SPDYE18: variants seen among roughly 807,000 people sequenced by gnomAD.
The protein encoded by SPDYE18 is speedy/RINGO cell cycle regulator family member E18, also known as speedy protein E18.
A neutral mutation model predicts 44.9 loss-of-function variants in SPDYE18; 6 were observed. That is an observed-to-expected ratio of 0.13 (90% CI 0.07 to 0.26). The LOEUF (loss-of-function observed/expected upper bound fraction) is 0.26. Ranked by LOEUF, SPDYE18 falls within the 10% of genes least tolerant of loss-of-function variation. The probability of loss-of-function intolerance (pLI) is 1.00; values close to 1 mark genes in which losing one functional copy is unlikely to be tolerated. For missense variants in SPDYE18, 121 were observed against 463.2 expected, an observed-to-expected ratio of 0.26 and a Z score of 6.78; for synonymous variants, 35 against 177.1, an observed-to-expected ratio of 0.20 and a Z score of 6.37.
Position 77,050,849 on chromosome 7 carries a change from C to A in SPDYE18, c.*1076G>T, listed in dbSNP as rs1360239376. On this transcript the variant is annotated 3_prime_UTR_variant, in exon 9 of 9. Transcript: ENST00000510091. ...TAGAAACAGCATCTATTCAAAAATA[C>A]CAGTATTTCCAAAATATTTAAAATA... is the stretch of plus-strand genomic sequence containing the variant. Among the ~76,000 whole-genome samples, 1 of 150,464 alleles carries A rather than the reference C, an allele frequency of 6.6e-6. No homozygotes were observed. Among genetic ancestry groups the A allele is most frequent in the Non-Finnish European group, 1.5e-5 (1 of 67,666 alleles).
At chr7:77,062,246 G>A (rs2117329584) in intron 1 of SPDYE18, among the ~76,000 whole-genome samples, 2 of 145,514 alleles carry the variant, frequency 1.4e-5, no homozygotes, top group South Asian at 4.8e-4. Flanking sequence ...TCCCATTGCT[G>A]TGGAAGTCCC....
At chr7:77,053,452 C>G in intron 6 of SPDYE18, among the ~76,000 whole-genome samples, 1 of 152,400 alleles carries the variant, frequency 6.6e-6, no homozygotes, top group African/African-American at 2.4e-5. Context: ...CCTGGAATCC[C>G]AGCACACTGG....
At chr7:77,056,948 T>TG (rs1789932260) in intron 4 of SPDYE18, among the ~76,000 whole-genome samples, 1 of 152,018 alleles carries the variant, frequency 6.6e-6, no homozygotes, top group Non-Finnish European at 1.5e-5. Flanking sequence ...CATCAGGGTG[T>TG]GACCATGGCC....
At position 77,060,306 on chromosome 7, in the gene SPDYE18, C is replaced by A. The variant is rs922505039; in HGVS notation, c.160+47G>T. On this transcript the variant is annotated intron_variant, in intron 2 of 8. Coordinates refer to ENST00000510091, the MANE Select transcript of SPDYE18 (RefSeq NM_001394953.1). ...GCCACCGCACCCGGCCCCCTTCCTT[C>A]GTCTTAGTCAACCCTATCCCACCTC... 6 of 1,534,042 alleles carry A rather than the reference C, an allele frequency of 3.9e-6. No homozygotes were observed. The Admixed American group carries it at 1.2e-4, about 30-fold the overall frequency.
intron 6 of SPDYE18, among the ~76,000 whole-genome samples, 177 bp from the exon 7 acceptor site, chr7:77,053,380 G>A (rs1442217698): frequency 5.3e-5 from 8 of 152,208 alleles, no homozygotes; most frequent in South Asian, 2.1e-4. Flanking sequence ...GATCAAGGGC[G>A]TCTCCCACTC....
intron 3 of SPDYE18, among the ~76,000 whole-genome samples, chr7:77,058,501 C>CTTTTT (rs1158671945): frequency 2.0e-4 from 11 of 56,096 alleles, no homozygotes; most frequent in South Asian, 7.5e-4. Context: ...TTCCTTCCTT[C>CTTTTT]TTTTTTTTTT....
At chr7:77,061,152 C>T (rs1319492173) in intron 1 of SPDYE18, among the ~76,000 whole-genome samples, 3 of 115,808 alleles carry the variant, frequency 2.6e-5, no homozygotes, top group African/African-American at 3.5e-5. Flanking sequence ...GCTTTTCTGC[C>T]GAATGTTTAC....
At chr7:77,053,518 C>T (rs1169816945) in intron 6 of SPDYE18, among the ~76,000 whole-genome samples, 1 of 152,390 alleles carries the variant, frequency 6.6e-6, no homozygotes, top group East Asian at 1.9e-4. Context: ...GCCTGGGCAA[C>T]ATAGCAAGAC....
rs1223650210 is a variant in SPDYE18 at position 77,051,070 on chromosome 7, C to T, written c.*855G>A. 1.3e-5 allele frequency among the ~76,000 whole-genome samples: 2 copies of T among 151,934 alleles called. No homozygotes were observed. The highest frequency in any genetic ancestry group is 3.9e-4 in the East Asian group (2 of 5,178). On this transcript the variant is annotated 3_prime_UTR_variant, in exon 9 of 9. Coordinates refer to ENST00000510091, the MANE Select transcript of SPDYE18 (RefSeq NM_001394953.1). ...CAACTGAATTCTCACAATTCAGTCACAAACCTAAACAGCAAATAAAAATTT... is the reference window on the plus strand; with the variant it reads ...CAACTGAATTCTCACAATTCAGTCATAAACCTAAACAGCAAATAAAAATTT...
chr7:77,058,116 C>CTTTTTTTTTTTTTT (rs375559743), intron 3 of SPDYE18, among the ~76,000 whole-genome samples: 6 of 62,220 alleles, frequency 9.6e-5, no homozygotes, highest in Non-Finnish European at 1.3e-4. Context: ...CTCTGAGTCT[C>CTTTTTTTTTTTTTT]TTTTTTTTTT....
chr7:77,060,436 G>T lies in SPDYE18; in HGVS notation c.77C>A (p.Pro26His), dbSNP rs1790003056. The change falls in exon 2 of 9, where the codon CCC (proline) becomes CAC (histidine). Residue 26 changes from proline (P) to histidine (H), a missense_variant. Transcript: ENST00000510091. ...GKITTSRQPHPQNEQSLQRST... is the reference protein window; with the variant it reads ...GKITTSRQPHHQNEQSLQRST... Reference sequence around the variant, plus strand: ...CCGCTGGAGACTCTGCTCATTCTGGGGGTGCGGTTGACGGCTGGTCGTGAT... The same window carrying T: ...CCGCTGGAGACTCTGCTCATTCTGGTGGTGCGGTTGACGGCTGGTCGTGAT... 2 of 1,535,490 alleles carry T rather than the reference G, an allele frequency of 1.3e-6. No homozygotes were observed. The highest frequency in any genetic ancestry group is 1.2e-5 in the South Asian group (1 of 83,968).
At chr7:77,058,111 A>C (rs1789957174) in intron 3 of SPDYE18, among the ~76,000 whole-genome samples, 1 of 84,070 alleles carries the variant, frequency 1.2e-5, no homozygotes. Flanking sequence ...TGGCTCTCTG[A>C]GTCTCTTTTT....
intron 3 of SPDYE18, among the ~76,000 whole-genome samples, chr7:77,058,531 G>T (rs1354740247): frequency 0.11 from 10,546 of 96,980 alleles, no homozygotes; most frequent in Middle Eastern, 0.22. Context: ...TTTTGAGACA[G>T]CGTCTCACTC....
chr7:77,058,835 C>A (rs1200315229), intron 3 of SPDYE18, among the ~76,000 whole-genome samples: 1 of 151,976 alleles, frequency 6.6e-6, no homozygotes, highest in African/African-American at 2.4e-5. Context: ...CTCTGTCACC[C>A]AGGCTGGAGT....
In SPDYE18 at chr7:77,060,396, G is replaced by A; in HGVS notation, c.117C>T (p.Tyr39=). 1 of 1,535,494 alleles carries A rather than the reference G, an allele frequency of 6.5e-7. No individual in the cohort carries two copies. The highest frequency in any genetic ancestry group is 1.2e-5 in the South Asian group (1 of 83,960). ...EQSLQRSTSG[Y]PLQEVVDDEV... is the part of the protein sequence containing the mutation. Reference sequence around the variant, plus strand: ...CATCATCCACCACCTCCTGGAGGGGGTACCCCGAGGTGCTCCGCTGGAGAC... The same window carrying A: ...CATCATCCACCACCTCCTGGAGGGGATACCCCGAGGTGCTCCGCTGGAGAC... The change falls in exon 2 of 9, where the codon TAC becomes TAT. Residue 39 remains tyrosine, a synonymous_variant. Coordinates refer to ENST00000510091, the MANE Select transcript of SPDYE18 (RefSeq NM_001394953.1).
chr7:77,062,040 A>T (rs1415107783), intron 1 of SPDYE18, among the ~76,000 whole-genome samples: 2 of 131,634 alleles, frequency 1.5e-5, no homozygotes, highest in African/African-American at 5.5e-5. Flanking sequence ...GCGCTGGAGA[A>T]TCACTTGAAC....
chr7:77,058,504 T>C (rs1217890228), intron 3 of SPDYE18, among the ~76,000 whole-genome samples: 6 of 112,896 alleles, frequency 5.3e-5, no homozygotes, highest in Non-Finnish European at 7.5e-5. Flanking sequence ...CTTCCTTCTT[T>C]TTTTTTTTTT....
intron 1 of SPDYE18, among the ~76,000 whole-genome samples, 101 bp from the exon 2 acceptor site, chr7:77,061,034 C>CAAGAGTGAGATTATCAT (rs1790014068): frequency 5.2e-4 from 39 of 75,710 alleles, no homozygotes; most frequent in East Asian, 4.2e-3. Flanking sequence ...GAGATTATCA[C>CAAGAGTGAGATTATCAT]GTACAAGAGT....
rs1326609613 is a variant in SPDYE18 at position 77,053,064 on chromosome 7, C to T, written c.895G>A (p.Ala299Thr). Reference sequence around the variant, plus strand: ...GCTATCTGAGAGCGGTTCTTCCTGGCCCTCGGGTTCAAGCAACGGCATAAC... The same window carrying T: ...GCTATCTGAGAGCGGTTCTTCCTGGTCCTCGGGTTCAAGCAACGGCATAAC... ...FQLCRCLNPR[A>T]RKNRSQIALF... Residue 299 changes from alanine to threonine, a missense_variant, in exon 7 of 9, where the codon GCC (alanine) becomes ACC (threonine). Ala to Thr is a moderately conservative substitution (Grantham distance 58). Coordinates refer to ENST00000510091, the MANE Select transcript of SPDYE18 (RefSeq NM_001394953.1). 6.2e-7 allele frequency: 1 copy of T among 1,614,094 alleles called. No individual in the cohort carries two copies. Among genetic ancestry groups the T allele is most frequent in the African/African-American group, 1.3e-5 (1 of 74,952 alleles).
Sources: gnomAD v4.1 joint callset for allele counts (sites outside exome capture counted in the v4.1 genomes callset) on GRCh38, gnomAD v4.1.1 for gene constraint, MANE v1.5 for transcripts, NCBI Gene and HGNC (gene_info 2026-07-23, HGNC 2026-07-21) for gene names.